Variants in DIS3L2 observed in about 807,000 individuals in gnomAD.
DIS3L2 encodes the protein DIS3 like 3'-5' exoribonuclease 2.
Under a neutral mutation model 97.5 loss-of-function variants are expected in DIS3L2, and 34 were observed. That is an observed-to-expected ratio of 0.35 (90% CI 0.27 to 0.46). DIS3L2 has a LOEUF of 0.46. DIS3L2 is among the 20% of genes least tolerant of loss of function. The pLI, the probability that DIS3L2 is intolerant of heterozygous loss-of-function variation, is 1.00. For synonymous variants in DIS3L2, 435 were observed against 445.2 expected (o/e 0.98, Z 0.29); for missense variants, 1,038 against 1,146.0 (o/e 0.91, Z 1.36).
At chr2:232,317,815 G>A (rs1695319192) in intron 14 of DIS3L2, among the ~76,000 whole-genome samples, 1 of 152,140 alleles carries the variant, frequency 6.6e-6, no homozygotes, top group East Asian at 1.9e-4. Context: ...AGTGCAGAAG[G>A]TTTTCATAAT....
intron 6 of DIS3L2, among the ~76,000 whole-genome samples, chr2:232,098,648 C>G (rs913617111): frequency 6.6e-6 from 1 of 152,174 alleles, no homozygotes; most frequent in East Asian, 1.9e-4. Flanking sequence ...GTCACCCCAC[C>G]CAGCCTAGCT....
chr2:232,064,148 CT>C (rs1695788806), intron 5 of DIS3L2, among the ~76,000 whole-genome samples: 1 of 152,072 alleles, frequency 6.6e-6, no homozygotes. Context: ...GAATTAAAAT[CT>C]TGTGTAACCA....
chr2:232,182,066 A>G (rs1396564528), intron 9 of DIS3L2, among the ~76,000 whole-genome samples: 1 of 152,200 alleles, frequency 6.6e-6, no homozygotes, highest in Non-Finnish European at 1.5e-5. Flanking sequence ...AAAGGCATTT[A>G]CAGCTACTCC....
At chr2:232,341,931 C>CCAACCTG (rs1696109399), downstream of DIS3L2, among the ~76,000 whole-genome samples, 1 of 152,222 alleles carries the variant, frequency 6.6e-6, no homozygotes, top group African/African-American at 2.4e-5. Flanking sequence ...ACGCAGACCC[C>CCAACCTG]CAACCTGCAA....
chr2:231,985,824 G>A (rs1159233886), intron 1 of DIS3L2, among the ~76,000 whole-genome samples: 1 of 152,134 alleles, frequency 6.6e-6, no homozygotes, highest in Non-Finnish European at 1.5e-5. Flanking sequence ...ATTGGATTGA[G>A]GCCTAGATAG....
rs1574984650 is a variant in DIS3L2, at chr2:232,270,872, CTCT to C, written c.1659+7433_1659+7435del. Among the ~76,000 whole-genome samples, 15 of 91,262 alleles carry C rather than the reference CTCT, an allele frequency of 1.6e-4. No individual in the cohort carries two copies. In the South Asian group the frequency reaches 1.8e-3, roughly 11 times the overall value. 59.9% of individuals were successfully genotyped at this position (91,262 alleles called of 152,430 possible). A position where few individuals can be genotyped will look rare whatever the true frequency, so the allele number is the denominator to read the frequency against. ...CTCTCTTTTTCTCGTCTCTCTCTCT[CTCT>C]CTCTCTCTCTCTCTCTCTCTCTCTC... On this transcript the variant is annotated intron_variant, in intron 13 of 20. Coordinates refer to ENST00000325385, the MANE Select transcript of DIS3L2 (RefSeq NM_152383.5).
At chr2:232,100,421 G>A (rs56352679) in intron 6 of DIS3L2, among the ~76,000 whole-genome samples, 16,012 of 151,906 alleles carry the variant, frequency 0.11, 1,145 homozygotes, top group Non-Finnish European at 0.15. Flanking sequence ...TTCCAGGGAT[G>A]TTGCTTTTTT....
Position 231,998,723 on chromosome 2 carries a change from A to G in DIS3L2, c.-93-16112A>G, listed in dbSNP as rs113427781. On this transcript the variant is annotated intron_variant, in intron 1 of 20. Transcript: ENST00000325385. ...AGATTTCATTGATGAATACACATTA[A>G]TTAGTATGATGATGGTTGCCAATGG... Among the ~76,000 whole-genome samples, 20 of 152,340 alleles carry G rather than the reference A, an allele frequency of 1.3e-4. 2 individuals are homozygous for G. The highest frequency in any genetic ancestry group is 4.8e-4 in the African/African-American group (20 of 41,584).
chr2:232,336,022 C>T, intron 20 of DIS3L2, 148 bp downstream of exon 20: 3 of 1,522,748 alleles, frequency 2.0e-6, no homozygotes, highest in Non-Finnish European at 2.6e-6. Context: ...CCCAGCTCAC[C>T]CAGACCCCCT....
At chr2:232,302,533 G>T (rs1165187608) in intron 14 of DIS3L2, among the ~76,000 whole-genome samples, 1 of 149,832 alleles carries the variant, frequency 6.7e-6, no homozygotes, top group Non-Finnish European at 1.5e-5. Context: ...TGAGCCTCTA[G>T]TTTCATTTAT....
chr2:231,989,086 G>GCT (rs1159126551), intron 1 of DIS3L2, among the ~76,000 whole-genome samples: 1 of 152,090 alleles, frequency 6.6e-6, no homozygotes, highest in Non-Finnish European at 1.5e-5. Flanking sequence ...AGATGTGATG[G>GCT]CTCGGATTAC....
In DIS3L2 at chr2:232,263,404, G is replaced by A. The variant is rs1411494767; in HGVS notation, c.1623G>A (p.Gln541=). The part of the protein sequence containing the change: ...NLHGIAKQLR[Q]QRFVDGALRL... ...ACGGAATTGCCAAGCAGTTACGCCA[G>A]CAGCGCTTTGTGGACGGCGCACTTC... The change falls in exon 13 of 21, where the codon CAG becomes CAA. Residue 541 remains glutamine, a synonymous_variant. Transcript: ENST00000325385. 1.2e-6 allele frequency: 2 copies of A among 1,614,092 alleles called. No individual in the cohort carries two copies. The highest frequency in any genetic ancestry group is 2.7e-5 in the African/African-American group (2 of 74,928).
intron 9 of DIS3L2, among the ~76,000 whole-genome samples, chr2:232,204,590 C>G (rs1172337195): frequency 6.6e-6 from 1 of 152,156 alleles, no homozygotes; most frequent in Non-Finnish European, 1.5e-5. Flanking sequence ...TTCTGCGGGT[C>G]AGGGTTAACT....
At chr2:232,237,439 A>G (rs566387163) in intron 10 of DIS3L2, among the ~76,000 whole-genome samples, 3 of 152,294 alleles carry the variant, frequency 2.0e-5, no homozygotes, top group East Asian at 1.9e-4. Flanking sequence ...CATTCATTCA[A>G]CAAGTACTTC....
chr2:232,243,846 C>T (rs1445420398), intron 11 of DIS3L2, among the ~76,000 whole-genome samples: 2 of 152,334 alleles, frequency 1.3e-5, no homozygotes, highest in East Asian at 1.9e-4. Flanking sequence ...TCTTGGCCAC[C>T]TGTGACCTTA....
intron 5 of DIS3L2, among the ~76,000 whole-genome samples, chr2:232,073,601 G>A (rs1013556448): frequency 6.6e-6 from 1 of 152,140 alleles, no homozygotes; most frequent in African/African-American, 2.4e-5. Context: ...CTCGAGGAAA[G>A]GTTTTTTCTA....
intron 8 of DIS3L2, among the ~76,000 whole-genome samples, chr2:232,144,998 G>C (rs1227868647): frequency 1.3e-5 from 2 of 152,184 alleles, no homozygotes; most frequent in Non-Finnish European, 2.9e-5. Flanking sequence ...GGAGGCATCT[G>C]CCATGATTCC....
chr2:232,033,415 A>G (rs1169195815), intron 5 of DIS3L2, among the ~76,000 whole-genome samples: 1 of 152,234 alleles, frequency 6.6e-6, no homozygotes. Flanking sequence ...TGTCATCTGC[A>G]AACAGAGATA....
chr2:232,048,169 T>G (rs1408727248), intron 5 of DIS3L2, among the ~76,000 whole-genome samples: 1 of 152,182 alleles, frequency 6.6e-6, no homozygotes, highest in Non-Finnish European at 1.5e-5. Context: ...GTCCCCAAAC[T>G]TTTCTGACCC....
Sources: allele counts gnomAD v4.1 joint callset (sites outside exome capture counted in the v4.1 genomes callset), GRCh38; gene constraint gnomAD v4.1.1; transcripts MANE v1.5; gene names NCBI Gene and HGNC (gene_info 2026-07-23, HGNC 2026-07-21).